CDK15: variants seen among roughly 807,000 people sequenced by gnomAD.
CDK15 encodes cyclin-dependent kinase 15.
CDK15 carries 62 observed loss-of-function variants against 60.3 expected under a neutral mutation model. The ratio of observed to expected loss-of-function variants is 1.03; its 90% confidence interval spans 0.84 to 1.27. The LOEUF is 1.27. Ranked by LOEUF, CDK15 falls within the 50% of genes most tolerant of loss-of-function variation. The pLI is 0.00. For synonymous variants in CDK15, 194 were observed against 195.7 expected (o/e 0.99, Z 0.07); for missense variants, 541 against 527.8 (o/e 1.03, Z -0.25).
intron 11 of CDK15, among the ~76,000 whole-genome samples, chr2:201,875,687 G>GA (rs1699049720): frequency 6.6e-6 from 1 of 152,258 alleles, no homozygotes; most frequent in East Asian, 1.9e-4. Flanking sequence ...TAGTTCAATG[G>GA]AAAAAGTAGG....
rs545654012 is a variant in CDK15, at chr2:201,887,462, T to A, written c.1199-3323T>A. On this transcript the variant is annotated intron_variant, in intron 12 of 13. Transcript: ENST00000652192. ...AGTTAAAACAAAATGGCACAGGCAGTCTGAGCTGTGGATTGAGAGTCAAAG... is the reference window on the plus strand; with the variant it reads ...AGTTAAAACAAAATGGCACAGGCAGACTGAGCTGTGGATTGAGAGTCAAAG... Among the ~76,000 whole-genome samples, 35 of 152,312 alleles carry A rather than the reference T, an allele frequency of 2.3e-4. No individual in the cohort carries two copies. The South Asian group carries it at 7.3e-3, about 32-fold the overall frequency.
intron 11 of CDK15, among the ~76,000 whole-genome samples, chr2:201,875,237 CTT>C (rs935385535): frequency 7.2e-5 from 11 of 152,072 alleles, no homozygotes; most frequent in African/African-American, 2.4e-4. Context: ...ATTTTTATGA[CTT>C]TTATAAGCAA....
intron 3 of CDK15, among the ~76,000 whole-genome samples, chr2:201,811,538 CAATAT>C (rs1559112747): frequency 6.6e-5 from 10 of 152,318 alleles, no homozygotes; most frequent in African/African-American, 2.4e-4. Context: ...AGGTTACTAA[CAATAT>C]GATTTTAATC....
chr2:201,878,693 A>C (rs1326369036), intron 11 of CDK15, among the ~76,000 whole-genome samples: 1 of 152,148 alleles, frequency 6.6e-6, no homozygotes, highest in African/African-American at 2.4e-5. Flanking sequence ...AATTAATAGA[A>C]ATGTATTTCT....
intron 4 of CDK15, among the ~76,000 whole-genome samples, chr2:201,815,410 A>G (rs1695947524): frequency 6.6e-6 from 1 of 152,164 alleles, no homozygotes; most frequent in Non-Finnish European, 1.5e-5. Flanking sequence ...ATGACCAGGT[A>G]CTCTGCCGAA....
At chr2:201,812,189 A>C (rs1286991303) in intron 3 of CDK15, among the ~76,000 whole-genome samples, 15 of 141,578 alleles carry the variant, frequency 1.1e-4, no homozygotes, top group African/African-American at 1.9e-4. Context: ...AAAAAAAAAA[A>C]AACAAAAAAA....
chr2:201,885,617 G>T (rs1346896437), intron 12 of CDK15, among the ~76,000 whole-genome samples: 3 of 152,174 alleles, frequency 2.0e-5, no homozygotes, highest in Non-Finnish European at 4.4e-5. Context: ...GTGTTGCTGG[G>T]AGAAGTCTGG....
chr2:201,885,433 G>C (rs1699420542), intron 12 of CDK15, among the ~76,000 whole-genome samples: 1 of 152,202 alleles, frequency 6.6e-6, no homozygotes, highest in Non-Finnish European at 1.5e-5. Context: ...ACGTAACTCA[G>C]ACCAATCTGT....
intron 11 of CDK15, among the ~76,000 whole-genome samples, chr2:201,876,883 G>A (rs1338752989): frequency 1.3e-5 from 2 of 151,986 alleles, no homozygotes; most frequent in Non-Finnish European, 2.9e-5. Context: ...CTGCAGCCTC[G>A]ACCTCCTGGG....
intron 8 of CDK15, among the ~76,000 whole-genome samples, chr2:201,840,500 C>A (rs963095817): frequency 4.6e-5 from 7 of 152,254 alleles, no homozygotes; most frequent in Admixed American, 1.3e-4. Flanking sequence ...CCTTTGTACA[C>A]TTTAGTTACC....
rs1696292520 is a variant in CDK15 at position 201,822,829 on chromosome 2, A to G, written c.469A>G (p.Lys157Glu). Residue 157 changes from lysine to glutamate, a missense_variant, in exon 5 of 14, where the codon AAA becomes GAA. By Grantham distance (56) the Lys-to-Glu change is moderately conservative (BLOSUM62 1). Transcript: ENST00000652192. ...IREASLLKGL[K>E]HANIVLLHDI... ...TCTAGCTTCTCTCCTGAAGGGTTTG[A>G]AACATGCCAATATTGTGCTCCTGCA... The G allele has an allele frequency of 6.2e-7, 1 of 1,611,276 alleles. No individual in the cohort carries two copies. The highest frequency in any genetic ancestry group is 1.3e-5 in the African/African-American group (1 of 74,868).
At chr2:201,869,427 TA>T (rs1208660191) in intron 10 of CDK15, among the ~76,000 whole-genome samples, 1 of 151,786 alleles carries the variant, frequency 6.6e-6, no homozygotes, top group Non-Finnish European at 1.5e-5. Flanking sequence ...ATAGCTAATG[TA>T]AATGATGAGT....
At chr2:201,873,409 C>A (rs1016235505) in intron 11 of CDK15, among the ~76,000 whole-genome samples, 12 of 152,330 alleles carry the variant, frequency 7.9e-5, no homozygotes, top group African/African-American at 2.9e-4. Flanking sequence ...CAGGCTCCTT[C>A]CCCTCTACCT....
chr2:201,861,422 G>A, intron 10 of CDK15: 1 of 985,262 alleles, frequency 1.0e-6, no homozygotes, highest in Non-Finnish European at 1.2e-6. Context: ...CATTAATCAT[G>A]TTGTATCCCT....
chr2:201,808,277 G>T (rs988758464), intron 3 of CDK15, among the ~76,000 whole-genome samples: 5 of 152,216 alleles, frequency 3.3e-5, no homozygotes, highest in African/African-American at 1.2e-4. Flanking sequence ...GGGAGGCACA[G>T]TTGGTAAAGC....
At chr2:201,848,008 C>A (rs992147626) in intron 9 of CDK15, among the ~76,000 whole-genome samples, 3 of 152,060 alleles carry the variant, frequency 2.0e-5, no homozygotes, top group Non-Finnish European at 2.9e-5. Context: ...ACACCTTAGT[C>A]CCAGCTATTC....
intron 3 of CDK15, chr2:201,808,918 A>G (rs926284886): frequency 9.2e-5 from 4 of 43,328 alleles, no homozygotes; most frequent in African/African-American, 2.6e-4. Context: ...TTATTTTATT[A>G]TTTATATATT....
intron 12 of CDK15, among the ~76,000 whole-genome samples, chr2:201,885,907 G>A (rs903824545): frequency 6.6e-6 from 1 of 152,142 alleles, no homozygotes; most frequent in Non-Finnish European, 1.5e-5. Context: ...TTACAGATTA[G>A]ACAGCTGGAA....
At chr2:201,867,945 A>G (rs1698697806) in intron 10 of CDK15, among the ~76,000 whole-genome samples, 1 of 152,204 alleles carries the variant, frequency 6.6e-6, no homozygotes. Context: ...CAGAGAGGCT[A>G]AGCAATTTCC....
Sources: allele counts gnomAD v4.1 joint callset (sites outside exome capture counted in the v4.1 genomes callset), GRCh38; gene constraint gnomAD v4.1.1; transcripts MANE v1.5; gene names NCBI Gene and HGNC (gene_info 2026-07-23, HGNC 2026-07-21).